AHCYL2: variants seen among roughly 807,000 people sequenced by gnomAD.
AHCYL2 encodes the protein S-adenosylhomocysteine hydrolase-like protein 2.
Under a neutral mutation model 81.4 loss-of-function variants are expected in AHCYL2, and 28 were observed. The ratio of observed to expected loss-of-function variants is 0.34; its 90% confidence interval spans 0.25 to 0.47. AHCYL2 has a LOEUF of 0.47. AHCYL2 is among the 20% of genes least tolerant of loss of function. AHCYL2 has a pLI of 1.00. For missense variants in AHCYL2, 551 were observed against 785.1 expected (o/e 0.70, Z 3.56); for synonymous variants, 272 against 290.2 (o/e 0.94, Z 0.64).
chr7:129,299,376 T>TG (rs1797174607), intron 1 of AHCYL2, among the ~76,000 whole-genome samples: 2 of 23,006 alleles, frequency 8.7e-5, no homozygotes, highest in East Asian at 1.8e-3. Context: ...CTTGTTTTTT[T>TG]TTTTTTTTTT....
At position 129,368,617 on chromosome 7, in the gene AHCYL2, G is replaced by A. The variant is rs1385982315; in HGVS notation, c.364-11021G>A. 19 of 1,578,702 alleles carry A rather than the reference G, an allele frequency of 1.2e-5. No homozygotes were observed. Among genetic ancestry groups the A allele is most frequent in the Middle Eastern group, 1.7e-4 (1 of 6,028 alleles). ...ATAATGAGAGGCAACCATTTCTGACGGGTGACAAGGATCACCTCTGAGAAG... is the reference window on the plus strand; with the variant it reads ...ATAATGAGAGGCAACCATTTCTGACAGGTGACAAGGATCACCTCTGAGAAG... On this transcript the variant is annotated intron_variant, in intron 1 of 16. Coordinates refer to ENST00000325006, the MANE Select transcript of AHCYL2 (RefSeq NM_015328.4). This position sits in a 1 kb window ranked among gnomAD's most constrained non-coding sequence, Gnocchi z 4.4.
intron 2 of AHCYL2, among the ~76,000 whole-genome samples, chr7:129,382,899 T>G (rs962830218): frequency 2.6e-5 from 4 of 152,162 alleles, no homozygotes; most frequent in Non-Finnish European, 5.9e-5. Context: ...AGAGTGAAAC[T>G]ATGTCTCAAA....
At chr7:129,304,935 GT>G (rs143666441) in intron 1 of AHCYL2, among the ~76,000 whole-genome samples, 19 of 142,068 alleles carry the variant, frequency 1.3e-4, no homozygotes, top group Admixed American at 2.1e-4. Flanking sequence ...TTGTTTTCTG[GT>G]TTTTTTTTTG....
chr7:129,258,036 A>G (rs1472344595), intron 1 of AHCYL2, among the ~76,000 whole-genome samples: 1 of 152,152 alleles, frequency 6.6e-6, no homozygotes, highest in East Asian at 1.9e-4. Context: ...CAAATGTAAA[A>G]CTTCATTTCT....
intron 1 of AHCYL2, among the ~76,000 whole-genome samples, chr7:129,373,416 T>TA (rs34203815): frequency 9.3e-5 from 14 of 150,734 alleles, no homozygotes; most frequent in South Asian, 6.3e-4. Context: ...CTGTCTCTAC[T>TA]AAAAAAAACA....
intron 1 of AHCYL2, among the ~76,000 whole-genome samples, chr7:129,226,487 G>GT (rs532191163): frequency 2.8e-4 from 42 of 152,138 alleles, no homozygotes; most frequent in African/African-American, 4.3e-4. Context: ...AGGGATTAAT[G>GT]TTTTTTTTAA....
At chr7:129,393,755 C>T (rs564608885) in intron 4 of AHCYL2, among the ~76,000 whole-genome samples, 62 of 152,290 alleles carry the variant, frequency 4.1e-4, no homozygotes, top group Non-Finnish European at 7.9e-4. Flanking sequence ...ACTCTTGGAA[C>T]CAGCCATTTC....
chr7:129,315,369 A>G (rs2150780882), intron 1 of AHCYL2, among the ~76,000 whole-genome samples: 1 of 151,964 alleles, frequency 6.6e-6, no homozygotes, highest in East Asian at 1.9e-4. Flanking sequence ...CTGTGCTGCC[A>G]TTTCTCTCCT....
At chr7:129,276,589 A>G (rs1416551336) in intron 1 of AHCYL2, among the ~76,000 whole-genome samples, 1 of 151,976 alleles carries the variant, frequency 6.6e-6, no homozygotes, top group Non-Finnish European at 1.5e-5. Context: ...CGTCTCTACT[A>G]AAAGTATAAA....
intron 1 of AHCYL2, among the ~76,000 whole-genome samples, chr7:129,338,467 T>A (rs1411200931): frequency 1.3e-5 from 2 of 152,184 alleles, no homozygotes; most frequent in Non-Finnish European, 2.9e-5. Flanking sequence ...CCTTATAAAT[T>A]TTGATAGATA....
At chr7:129,329,347 A>AT (rs985696676) in intron 1 of AHCYL2, among the ~76,000 whole-genome samples, 8 of 151,378 alleles carry the variant, frequency 5.3e-5, no homozygotes, top group Admixed American at 1.3e-4. Context: ...TGCCTGGCTA[A>AT]TTTTTTTTTA....
At position 129,405,912 on chromosome 7, in the gene AHCYL2, C is replaced by T; in HGVS notation, c.1206+13C>T. 6.2e-7 allele frequency: 1 copy of T among 1,610,076 alleles called. No homozygotes were observed. Among genetic ancestry groups the T allele is most frequent in the Non-Finnish European group, 8.5e-7 (1 of 1,178,138 alleles). On this transcript the variant is annotated intron_variant, in intron 9 of 16. Coordinates refer to ENST00000325006, the MANE Select transcript of AHCYL2 (RefSeq NM_015328.4). ...TGGCTATGGAGAGGTGAAGTTTAAC[C>T]TTTTGTTTATTAGGTGTTTTAAATG...
At position 129,356,213 on chromosome 7, in the gene AHCYL2, A is replaced by G. The variant is rs575145036; in HGVS notation, c.364-23425A>G. The stretch of plus-strand genomic sequence containing the variant: ...TTTAACCATTTTCAAAGTTGACCTC[A>G]AAGTTGCTCTCATTTCTTTCAGCCA... On this transcript the variant is annotated intron_variant, in intron 1 of 16. Coordinates refer to ENST00000325006, the MANE Select transcript of AHCYL2 (RefSeq NM_015328.4). Among the ~76,000 whole-genome samples the G allele has an allele frequency of 3.3e-5, 5 of 152,328 alleles. No individual in the cohort carries two copies. In the South Asian group the frequency reaches 1.0e-3, roughly 32 times the overall value.
intron 11 of AHCYL2, 30 bp from the exon 12 acceptor site, chr7:129,413,564 T>C (rs1333163428): frequency 1.3e-6 from 2 of 1,539,518 alleles, no homozygotes; most frequent in South Asian, 2.2e-5. Context: ...CTTTCTCCAC[T>C]GCTGCTCAGA....
At chr7:129,308,829 C>T (rs1189845855) in intron 1 of AHCYL2, among the ~76,000 whole-genome samples, 2 of 152,192 alleles carry the variant, frequency 1.3e-5, no homozygotes, top group Admixed American at 1.3e-4. Context: ...ATCTGGGCAG[C>T]ATGGTATGGA....
At chr7:129,369,765 T>A (rs1273876671) in intron 1 of AHCYL2, among the ~76,000 whole-genome samples, 2 of 152,232 alleles carry the variant, frequency 1.3e-5, no homozygotes, top group East Asian at 3.9e-4. Context: ...TTGGCCAGGC[T>A]GGTCTTGAAC....
At chr7:129,397,475 G>T in intron 5 of AHCYL2, 151 bp downstream of exon 5, 1 of 799,674 alleles carries the variant, frequency 1.3e-6, no homozygotes, top group South Asian at 1.7e-5. Flanking sequence ...CTCTTTTTCT[G>T]GCCTTCGCTT....
In AHCYL2 at chr7:129,429,381, T is replaced by C. The variant is rs1056767925; in HGVS notation, c.*2336T>C. ...TTGGAATCAGAGCAATGTGTCTTCT[T>C]TCCTCCAACCTCTTACCTTAGATGC... On this transcript the variant is annotated 3_prime_UTR_variant, in exon 17 of 17. Transcript: ENST00000325006. The C allele has an allele frequency of 1.3e-5, 2 of 152,232 alleles. No homozygotes were observed. Among genetic ancestry groups the C allele is most frequent in the Admixed American group, 1.3e-4 (2 of 15,278 alleles). 9.4% of individuals were successfully genotyped at this position (152,232 alleles called of 1,614,324 possible).
At chr7:129,423,670 T>C (rs1797221970) in intron 13 of AHCYL2, among the ~76,000 whole-genome samples, 1 of 152,192 alleles carries the variant, frequency 6.6e-6, no homozygotes, top group Non-Finnish European at 1.5e-5. Flanking sequence ...TCAATTTTGA[T>C]TTTCAGTTGG....
Sources: gnomAD v4.1 joint callset for allele counts (sites outside exome capture counted in the v4.1 genomes callset) on GRCh38, gnomAD v4.1.1 for gene constraint, Gnocchi (gnomAD v3.1) non-coding constraint, MANE v1.5 for transcripts, NCBI Gene and HGNC (gene_info 2026-07-23, HGNC 2026-07-21) for gene names.